Variants in QKI observed in about 807,000 individuals in gnomAD.
QKI encodes QKI, KH domain containing RNA binding.
QKI carries 10 observed loss-of-function variants against 39.0 expected under a neutral mutation model. The ratio of observed to expected loss-of-function variants is 0.26; its 90% CI spans 0.16 to 0.43. The LOEUF (loss-of-function observed/expected upper bound fraction) is 0.43. QKI is among the 20% of genes least tolerant of loss of function. QKI has a pLI of 1.00. For missense variants in QKI, 218 were observed against 428.0 expected, an observed-to-expected ratio of 0.51 and a Z score of 4.33; for synonymous variants, 204 against 155.4, an observed-to-expected ratio of 1.31 and a Z score of -2.33.
At chr6:163,549,866 A>G (rs528838534) in intron 4 of QKI, among the ~76,000 whole-genome samples, 1 of 152,260 alleles carries the variant, frequency 6.6e-6, no homozygotes, top group East Asian at 1.9e-4. Context: ...AATCTAACAC[A>G]CTACTTTTTT....
chr6:163,547,961 C>T (rs977792161), intron 4 of QKI, among the ~76,000 whole-genome samples: 8 of 152,160 alleles, frequency 5.3e-5, no homozygotes, highest in African/African-American at 1.9e-4. Context: ...CTTCATCTAA[C>T]ATGTGCCTAC....
intron 1 of QKI, among the ~76,000 whole-genome samples, chr6:163,443,095 C>CT (rs1789878956): frequency 6.6e-6 from 1 of 152,152 alleles, no homozygotes; most frequent in Admixed American, 6.5e-5. Flanking sequence ...GATCATATTG[C>CT]TTACCATATT....
intron 1 of QKI, among the ~76,000 whole-genome samples, chr6:163,430,250 G>C (rs1788719215): frequency 6.6e-6 from 1 of 152,084 alleles, no homozygotes; most frequent in Admixed American, 6.6e-5. Flanking sequence ...ATCCTGTACA[G>C]GCATTACATT....
At chr6:163,439,656 CTTTTT>C (rs375640583) in intron 1 of QKI, among the ~76,000 whole-genome samples, 1 of 124,246 alleles carries the variant, frequency 8.0e-6, no homozygotes. Flanking sequence ...GTCCTGAATC[CTTTTT>C]TTTTTTTTTT....
chr6:163,567,131 A>G (rs1783412134), intron 7 of QKI: 16 of 1,018,112 alleles, frequency 1.6e-5, no homozygotes, highest in Non-Finnish European at 1.9e-5. Flanking sequence ...TTACCTTTTA[A>G]AAGTTCTGAA....
intron 1 of QKI, among the ~76,000 whole-genome samples, chr6:163,434,009 CT>C (rs1789047435): frequency 6.6e-6 from 1 of 152,060 alleles, no homozygotes; most frequent in Non-Finnish European, 1.5e-5. Context: ...GATTTAGTGG[CT>C]TGTGTGCTGT....
intron 1 of QKI, 96 bp downstream of exon 1, chr6:163,415,431 G>A (rs1353939997): frequency 7.9e-6 from 10 of 1,269,590 alleles, no homozygotes; most frequent in East Asian, 2.9e-5. Context: ...GGTCACGGCC[G>A]GGCGGGACCG....
intron 2 of QKI, among the ~76,000 whole-genome samples, chr6:163,456,088 T>A (rs1270512118): frequency 1.1e-4 from 16 of 152,222 alleles, no homozygotes; most frequent in Admixed American, 1.0e-3. Flanking sequence ...AAGTCAAGTC[T>A]ATTCCCAGTC....
chr6:163,415,811 C>T (rs922973220), intron 1 of QKI: 1 of 445,826 alleles, frequency 2.2e-6, no homozygotes, highest in African/African-American at 2.0e-5. Context: ...CACCGCCCCG[C>T]GTTCGGGAGC....
chr6:163,468,883 G>A (rs1791973574), intron 2 of QKI, among the ~76,000 whole-genome samples: 1 of 151,654 alleles, frequency 6.6e-6, no homozygotes, highest in African/African-American at 2.4e-5. Flanking sequence ...ATTGGTTGCA[G>A]TAGACAAAGC....
intron 4 of QKI, among the ~76,000 whole-genome samples, chr6:163,549,440 G>T (rs561507344): frequency 5.3e-5 from 8 of 152,170 alleles, no homozygotes; most frequent in Non-Finnish European, 1.0e-4. Flanking sequence ...GCTGGGCATG[G>T]TGGCTCATGC....
chr6:163,439,347 T>TG lies in QKI; in HGVS notation c.143-15932_143-15931insG, dbSNP rs1485016930. ...CCTTCGTGGTTTTTTTTTGTTTTTT[T>TG]TTTTTTTCGGGGGGGTGGGGGACGG... On this transcript the variant is annotated intron_variant, in intron 1 of 7. Transcript: ENST00000361752. 4.7e-5 allele frequency among the ~76,000 whole-genome samples: 7 copies of TG among 148,460 alleles called. No individual in the cohort carries two copies. The South Asian group carries it at 1.3e-3, about 27-fold the overall frequency.
chr6:163,438,029 A>G (rs1221570336), intron 1 of QKI, among the ~76,000 whole-genome samples: 2 of 152,166 alleles, frequency 1.3e-5, no homozygotes, highest in African/African-American at 4.8e-5. Context: ...ATGTGGTTGA[A>G]TTTTAAGGAG....
chr6:163,568,393 T>G (rs1007955838), intron 7 of QKI: 2 of 985,274 alleles, frequency 2.0e-6, no homozygotes, highest in Non-Finnish European at 2.4e-6. Context: ...TTATTGTATT[T>G]GGAAAATTAC....
At position 163,468,133 on chromosome 6, in the gene QKI, C is replaced by T. The variant is rs562040443; in HGVS notation, c.286-10647C>T. 9.9e-4 allele frequency among the ~76,000 whole-genome samples: 150 copies of T among 151,902 alleles called. 4 individuals are homozygous for T. In the South Asian group the frequency reaches 0.03, roughly 30 times the overall value. Reference sequence around the variant, plus strand: ...TTGTCTTCTGCTAAGTGAAAGACTTCAGAAAATATACATATACGCTTCTGT... The same window carrying T: ...TTGTCTTCTGCTAAGTGAAAGACTTTAGAAAATATACATATACGCTTCTGT... On this transcript the variant is annotated intron_variant, in intron 2 of 7. Transcript: ENST00000361752.
Position 163,516,553 on chromosome 6 carries a change from A to G in QKI, c.403-18429A>G, listed in dbSNP as rs576747274. On this transcript the variant is annotated intron_variant, in intron 3 of 7. Coordinates refer to ENST00000361752, the MANE Select transcript of QKI (RefSeq NM_006775.3). ...CGTGATCCACCCGCCTTGGCCTCCG[A>G]AAGTGCTGGGATTACAGGCGTGAGC... Among the ~76,000 whole-genome samples, 84 of 152,312 alleles carry G rather than the reference A, an allele frequency of 5.5e-4. 1 individual carries two copies. The highest frequency in any genetic ancestry group is 3.4e-3 in the Middle Eastern group (1 of 294).
At chr6:163,565,868 G>A in intron 6 of QKI, 4 of 1,589,244 alleles carry the variant, frequency 2.5e-6, no homozygotes, top group Non-Finnish European at 3.4e-6. Context: ...CATGTGTGTT[G>A]GTAGTAGTGA....
chr6:163,434,301 G>A (rs2757573), intron 1 of QKI, among the ~76,000 whole-genome samples: 147,458 of 152,304 alleles, frequency 0.97, 71,414 homozygotes, highest in East Asian at 1. Context: ...TTACTACTGC[G>A]TATAATCTGA....
intron 2 of QKI, among the ~76,000 whole-genome samples, chr6:163,467,470 TTC>T (rs1240570147): frequency 6.6e-6 from 1 of 152,240 alleles, no homozygotes; most frequent in African/African-American, 2.4e-5. Flanking sequence ...TATTTCCACT[TTC>T]TATTTCAACA....
Sources: gnomAD v4.1 joint callset for allele counts (sites outside exome capture counted in the v4.1 genomes callset) on GRCh38, gnomAD v4.1.1 for gene constraint, MANE v1.5 for transcripts, NCBI Gene and HGNC (gene_info 2026-07-23, HGNC 2026-07-21) for gene names.